The following SUCLG2 variants were observed in gnomAD, a reference collection of about 807,000 sequenced individuals.
SUCLG2 encodes succinate-CoA ligase GDP-forming subunit beta, also known as succinate--CoA ligase [GDP-forming] subunit beta, mitochondrial.
Under a neutral mutation model 47.9 loss-of-function variants are expected in SUCLG2, and 42 were observed. The observed-to-expected ratio is 0.88, with a 90% CI of 0.69 to 1.14. SUCLG2 has a LOEUF of 1.14. Among genes scored for constraint, SUCLG2 ranks in the 50% most tolerant of loss-of-function variants. The pLI, the probability that SUCLG2 is intolerant of heterozygous loss-of-function variation, is 0.00. For missense variants in SUCLG2, 571 were observed against 525.9 expected (o/e 1.09, Z -0.84); for synonymous variants, 195 against 197.3 (o/e 0.99, Z 0.10).
intron 2 of SUCLG2, among the ~76,000 whole-genome samples, chr3:67,598,207 C>T (rs1708338125): frequency 6.6e-6 from 1 of 152,002 alleles, no homozygotes; most frequent in African/African-American, 2.4e-5. Flanking sequence ...TTCTCGAACT[C>T]CTGAACTCAG....
chr3:67,363,660 T>C (rs1020579517), intron 10 of SUCLG2, among the ~76,000 whole-genome samples: 1 of 152,174 alleles, frequency 6.6e-6, no homozygotes, highest in Non-Finnish European at 1.5e-5. Context: ...TTTTATTTCA[T>C]CTTTTACAAT....
At chr3:67,406,531 T>C (rs916919594) in intron 9 of SUCLG2, among the ~76,000 whole-genome samples, 1 of 152,018 alleles carries the variant, frequency 6.6e-6, no homozygotes, top group African/African-American at 2.4e-5. Context: ...AGAGGGCAGG[T>C]AGATCAAGAT....
intron 9 of SUCLG2, among the ~76,000 whole-genome samples, chr3:67,465,269 T>C (rs1704442555): frequency 6.6e-6 from 1 of 152,202 alleles, no homozygotes; most frequent in Admixed American, 6.5e-5. Context: ...GAATTCAAAC[T>C]TCCTGATTTG....
chr3:67,565,594 A>G (rs1271308926), intron 2 of SUCLG2, among the ~76,000 whole-genome samples: 1 of 152,206 alleles, frequency 6.6e-6, no homozygotes, highest in East Asian at 1.9e-4. Flanking sequence ...CCTGAGAAGC[A>G]TTTCTGACTC....
chr3:67,366,898 C>T (rs1701883763), intron 10 of SUCLG2, among the ~76,000 whole-genome samples: 1 of 152,140 alleles, frequency 6.6e-6, no homozygotes, highest in African/African-American at 2.4e-5. Context: ...CCCCATGAAA[C>T]ACCTCAATAT....
intron 9 of SUCLG2, among the ~76,000 whole-genome samples, chr3:67,437,767 A>C (rs1703660334): frequency 1.3e-5 from 2 of 152,146 alleles, no homozygotes; most frequent in Non-Finnish European, 2.9e-5. Flanking sequence ...GATGATAATG[A>C]TTATGATAAA....
At chr3:67,575,163 C>G (rs1707713164) in intron 2 of SUCLG2, among the ~76,000 whole-genome samples, 1 of 152,180 alleles carries the variant, frequency 6.6e-6, no homozygotes, top group Admixed American at 6.5e-5. Flanking sequence ...AAAAGTTAAC[C>G]ATAGAGCTAA....
At position 67,374,987 on chromosome 3, in the gene SUCLG2, G is replaced by C; in HGVS notation, c.*757C>G. 2.0e-6 allele frequency: 2 copies of C among 985,764 alleles called. No individual in the cohort carries two copies. Among genetic ancestry groups the C allele is most frequent in the Non-Finnish European group, 2.4e-6 (2 of 829,904 alleles). The allele number at this position is 985,764 out of a possible 1,614,324, so 61.1% of individuals were successfully genotyped here. A position where few individuals can be genotyped will look rare whatever the true frequency, so the allele number is the denominator to read the frequency against. On this transcript the variant is annotated 3_prime_UTR_variant, in exon 11 of 11. Transcript: ENST00000307227. ...CTCATCTTGAAATATCTTAATAACA[G>C]AGATTTCCATAAGAATCAGGATTCA...
At chr3:67,363,740 G>A (rs1371527668) in intron 10 of SUCLG2, among the ~76,000 whole-genome samples, 1 of 152,038 alleles carries the variant, frequency 6.6e-6, no homozygotes, top group South Asian at 2.1e-4. Flanking sequence ...TAAAAAAAGG[G>A]TAACTCAGCA....
chr3:67,586,981 T>G (rs1435915396), intron 2 of SUCLG2, among the ~76,000 whole-genome samples: 1 of 152,166 alleles, frequency 6.6e-6, no homozygotes, highest in Admixed American at 6.5e-5. Flanking sequence ...ACAGCCATGT[T>G]ATAGATAACA....
At chr3:67,599,565 T>C (rs1708369795) in intron 2 of SUCLG2, among the ~76,000 whole-genome samples, 1 of 152,202 alleles carries the variant, frequency 6.6e-6, no homozygotes, top group Non-Finnish European at 1.5e-5. Flanking sequence ...TTTTCAGTGC[T>C]GCATCTAGCA....
At chr3:67,535,852 T>C (rs1341026296) in intron 2 of SUCLG2, among the ~76,000 whole-genome samples, 3 of 152,154 alleles carry the variant, frequency 2.0e-5, no homozygotes, top group African/African-American at 4.8e-5. Context: ...ACTCCTCTTT[T>C]AGTCAACTCA....
At chr3:67,378,690 T>C (rs1257302109) in intron 10 of SUCLG2, among the ~76,000 whole-genome samples, 3 of 152,230 alleles carry the variant, frequency 2.0e-5, no homozygotes, top group Non-Finnish European at 4.4e-5. Flanking sequence ...CTGTTCTTTT[T>C]GTTAAGCTGC....
In SUCLG2 at chr3:67,389,697, TTC is replaced by T. The variant is rs543498882; in HGVS notation, c.1183+11032_1183+11033del. Among the ~76,000 whole-genome samples the T allele has an allele frequency of 3.3e-3, 503 of 152,078 alleles. 3 individuals carry two copies. Among genetic ancestry groups the T allele is most frequent in the Non-Finnish European group, 5.6e-3 (378 of 68,014 alleles). ...CAACCTTAGAGTATGATTTGGTTCCTTCTGTTTTTTTTTTCTAAACAGAGCAA... is the reference window on the plus strand; with the variant it reads ...CAACCTTAGAGTATGATTTGGTTCCTTGTTTTTTTTTTCTAAACAGAGCAA... On this transcript the variant is annotated intron_variant, in intron 10 of 10. Coordinates refer to ENST00000307227, the MANE Select transcript of SUCLG2 (RefSeq NM_003848.4).
chr3:67,396,861 G>C (rs1488286897), intron 10 of SUCLG2, among the ~76,000 whole-genome samples: 1 of 152,162 alleles, frequency 6.6e-6, no homozygotes, highest in Non-Finnish European at 1.5e-5. Context: ...TGCAAGGCTG[G>C]TTCAATATAC....
chr3:67,400,631 T>G, intron 10 of SUCLG2, 100 bp downstream of exon 10: 1 of 1,512,924 alleles, frequency 6.6e-7, no homozygotes, highest in Non-Finnish European at 8.9e-7. Flanking sequence ...CAATCTAGTG[T>G]TTCGTTCTGT....
At chr3:67,429,799 C>A (rs575068973) in intron 9 of SUCLG2, among the ~76,000 whole-genome samples, 2 of 152,082 alleles carry the variant, frequency 1.3e-5, no homozygotes, top group African/African-American at 4.8e-5. Context: ...GGGTTGCAAT[C>A]CTAGTTTCTG....
intron 2 of SUCLG2, among the ~76,000 whole-genome samples, chr3:67,556,087 C>CT (rs1163445342): frequency 2.0e-5 from 3 of 152,064 alleles, no homozygotes; most frequent in East Asian, 1.9e-4. Context: ...AAAGACCTGA[C>CT]TTTTTTTTAA....
chr3:67,641,476 C>G lies in SUCLG2; in HGVS notation c.84+13027G>C, dbSNP rs537524710. On this transcript the variant is annotated intron_variant, in intron 1 of 10. Transcript: ENST00000307227. ...GTGCAAAGTTACAAATTTCAAAAAC[C>G]GCAATTACTTTTGCACCAACCTACA... Among the ~76,000 whole-genome samples the G allele has an allele frequency of 2.0e-4, 31 of 152,236 alleles. No homozygotes were observed. The South Asian group carries it at 5.0e-3, about 25-fold the overall frequency.
Sources: gnomAD v4.1 joint callset for allele counts (sites outside exome capture counted in the v4.1 genomes callset) on GRCh38, gnomAD v4.1.1 for gene constraint, MANE v1.5 for transcripts, NCBI Gene and HGNC (gene_info 2026-07-23, HGNC 2026-07-21) for gene names.